Variants in PCDH15 observed in about 807,000 individuals in gnomAD.
PCDH15 encodes protocadherin related 15.
PCDH15 carries 129 observed loss-of-function variants against 178.5 expected under a neutral mutation model. That is an observed-to-expected ratio of 0.72 (90% CI 0.63 to 0.84). The LOEUF (loss-of-function observed/expected upper bound fraction) is 0.84. PCDH15 is among the 40% of genes least tolerant of loss of function. The pLI is 0.00. For missense variants in PCDH15, 2,230 were observed against 2,099.9 expected, an observed-to-expected ratio of 1.06 and a Z score of -1.21; for synonymous variants, 800 against 732.0, an observed-to-expected ratio of 1.09 and a Z score of -1.50.
chr10:54,989,780 T>C (rs1290498428), intron 2 of PCDH15, among the ~76,000 whole-genome samples: 1 of 152,160 alleles, frequency 6.6e-6, no homozygotes, highest in African/African-American at 2.4e-5. Context: ...TGTGAGGAAA[T>C]GCCATTTGGG....
chr10:55,004,291 A>G (rs1477055945), intron 2 of PCDH15, among the ~76,000 whole-genome samples: 1 of 152,116 alleles, frequency 6.6e-6, no homozygotes, highest in Non-Finnish European at 1.5e-5. Flanking sequence ...AAGATCCACG[A>G]TGAGATTTCT....
intron 20 of PCDH15, among the ~76,000 whole-genome samples, chr10:53,998,037 A>C (rs1399331259): frequency 6.6e-6 from 1 of 152,196 alleles, no homozygotes; most frequent in African/African-American, 2.4e-5. Flanking sequence ...GCTCAGGGAC[A>C]TCTGAACAAA....
At chr10:55,253,497 A>G (rs1335844266) in intron 1 of PCDH15, among the ~76,000 whole-genome samples, 1 of 152,108 alleles carries the variant, frequency 6.6e-6, no homozygotes, top group Non-Finnish European at 1.5e-5. Context: ...TCATAGTTTA[A>G]CTTTTTAAAG....
At chr10:53,849,269 T>C (rs928279397) in intron 28 of PCDH15, among the ~76,000 whole-genome samples, 1 of 152,080 alleles carries the variant, frequency 6.6e-6, no homozygotes, top group Non-Finnish European at 1.5e-5. Context: ...TGTGCAAATA[T>C]GATTTCTTTT....
intron 1 of PCDH15, among the ~76,000 whole-genome samples, chr10:55,198,361 T>G (rs1840150637): frequency 1.3e-5 from 2 of 152,154 alleles, no homozygotes; most frequent in Non-Finnish European, 2.9e-5. Context: ...GGGGGCGGAC[T>G]TCCCCCTTGC....
At chr10:55,373,505 C>T (rs1845553637) in intron 2 of PCDH15, among the ~76,000 whole-genome samples, 1 of 151,772 alleles carries the variant, frequency 6.6e-6, no homozygotes, top group Non-Finnish European at 1.5e-5. Flanking sequence ...GATATCATAC[C>T]TAGACCTCAT....
At position 54,319,701 on chromosome 10, in the gene PCDH15, A is replaced by C. The variant is rs534292831; in HGVS notation, c.706-2260T>G. ...TTAAATAATTTTTAAAAGTAATTAT[A>C]CTAACAGACCTGTATTTTTTTTTTT... is the stretch of plus-strand genomic sequence containing the variant. On this transcript the variant is annotated intron_variant, in intron 7 of 37. Transcript: ENST00000644397. 2.7e-5 allele frequency among the ~76,000 whole-genome samples: 4 copies of C among 148,772 alleles called. No individual in the cohort carries two copies. In the East Asian group the frequency reaches 7.8e-4, roughly 29 times the overall value.
At chr10:54,449,626 A>G (rs1338245589) in intron 3 of PCDH15, among the ~76,000 whole-genome samples, 4 of 151,900 alleles carry the variant, frequency 2.6e-5, no homozygotes, top group African/African-American at 9.7e-5. Flanking sequence ...TTCTAATAAC[A>G]AGAAAAATGT....
chr10:54,029,156 T>C (rs1055248831), intron 18 of PCDH15, among the ~76,000 whole-genome samples: 5 of 152,144 alleles, frequency 3.3e-5, no homozygotes. Context: ...ACTTCTTTAC[T>C]ATTCTAGATG....
intron 2 of PCDH15, among the ~76,000 whole-genome samples, chr10:55,145,957 A>T (rs763430500): frequency 2.3e-4 from 35 of 152,088 alleles, no homozygotes; most frequent in Middle Eastern, 6.8e-3. Flanking sequence ...GTAGAAATAT[A>T]GAGTAGCTAC....
At chr10:54,753,001 A>T (rs1245095755) in intron 1 of PCDH15, among the ~76,000 whole-genome samples, 8 of 152,184 alleles carry the variant, frequency 5.3e-5, no homozygotes, top group African/African-American at 1.9e-4. Context: ...TTCTATGCCA[A>T]TGAGTAGTTT....
chr10:54,067,192 T>G (rs2094151675), intron 17 of PCDH15, among the ~76,000 whole-genome samples: 1 of 152,150 alleles, frequency 6.6e-6, no homozygotes, highest in African/African-American at 2.4e-5. Flanking sequence ...ATTTTATGGG[T>G]GGCAAGCTTT....
At chr10:54,313,495 C>G (rs191112692) in intron 8 of PCDH15, among the ~76,000 whole-genome samples, 1 of 152,208 alleles carries the variant, frequency 6.6e-6, no homozygotes, top group East Asian at 1.9e-4. Context: ...TTTTCAACAA[C>G]TATGTCCACC....
chr10:55,050,487 A>G (rs557106773), intron 2 of PCDH15, among the ~76,000 whole-genome samples: 2 of 152,182 alleles, frequency 1.3e-5, no homozygotes, highest in Admixed American at 6.5e-5. Flanking sequence ...GTTTTAATAT[A>G]ATAACAAAGT....
chr10:54,765,979 TC>T (rs1948464489), intron 1 of PCDH15, among the ~76,000 whole-genome samples: 1 of 152,166 alleles, frequency 6.6e-6, no homozygotes, highest in African/African-American at 2.4e-5. Flanking sequence ...TACTCCATGA[TC>T]TGTTGTCTAA....
chr10:55,552,662 T>C (rs1198602202), intron 2 of PCDH15, among the ~76,000 whole-genome samples: 5 of 151,372 alleles, frequency 3.3e-5, no homozygotes, highest in Non-Finnish European at 7.4e-5. Flanking sequence ...ATGATTATGG[T>C]TTTGAATGCA....
At chr10:55,242,748 G>A (rs1046562065) in intron 1 of PCDH15, among the ~76,000 whole-genome samples, 1 of 152,118 alleles carries the variant, frequency 6.6e-6, no homozygotes, top group Non-Finnish European at 1.5e-5. Flanking sequence ...CTACCCTGGG[G>A]GTTGAGGTGG....
intron 2 of PCDH15, among the ~76,000 whole-genome samples, chr10:55,421,781 T>C (rs10825506): frequency 0.5 from 75,629 of 151,124 alleles, 20,199 homozygotes; most frequent in African/African-American, 0.63. Flanking sequence ...TCATATTTTC[T>C]GACAAATATT....
intron 2 of PCDH15, among the ~76,000 whole-genome samples, chr10:54,570,708 A>C (rs749796842): frequency 6.6e-6 from 1 of 151,954 alleles, no homozygotes; most frequent in Non-Finnish European, 1.5e-5. Flanking sequence ...GCTGGAGTGC[A>C]GTGGCGTGAT....
Sources: gnomAD v4.1 joint callset for allele counts (sites outside exome capture counted in the v4.1 genomes callset) on GRCh38, gnomAD v4.1.1 for gene constraint, MANE v1.5 for transcripts, NCBI Gene and HGNC (gene_info 2026-07-23, HGNC 2026-07-21) for gene names.